Variants in PLCG2 observed in about 807,000 individuals in gnomAD.
PLCG2 encodes the protein phospholipase C gamma 2, also known as 1-phosphatidylinositol 4,5-bisphosphate phosphodiesterase gamma-2.
In PLCG2, 69 loss-of-function variants were observed where a neutral mutation model predicts 175.6. That is an observed-to-expected ratio of 0.39 (90% CI 0.32 to 0.48). The LOEUF (loss-of-function observed/expected upper bound fraction) is 0.48. PLCG2 is among the 20% of genes least tolerant of loss of function. The probability of loss-of-function intolerance (pLI) is 0.91; values close to 1 mark genes in which losing one functional copy is unlikely to be tolerated. For missense variants in PLCG2, 1,798 were observed against 1,650.9 expected, an observed-to-expected ratio of 1.09 and a Z score of -1.54; for synonymous variants, 827 against 624.0, an observed-to-expected ratio of 1.33 and a Z score of -4.85.
intron 2 of PLCG2, among the ~76,000 whole-genome samples, chr16:81,802,512 C>G (rs1023007748): frequency 5.9e-5 from 9 of 152,190 alleles, no homozygotes; most frequent in Admixed American, 2.0e-4. Context: ...TGTGTAACTG[C>G]TACCTTGACC....
intron 26 of PLCG2, among the ~76,000 whole-genome samples, chr16:81,934,940 A>G (rs573740391): frequency 9.9e-5 from 15 of 152,218 alleles, no homozygotes; most frequent in Non-Finnish European, 1.9e-4. Context: ...CACCCCCATG[A>G]TTCAATTATC....
At chr16:81,757,514 A>C (rs909792807) in intron 2 of PLCG2, among the ~76,000 whole-genome samples, 3 of 152,242 alleles carry the variant, frequency 2.0e-5, no homozygotes, top group African/African-American at 7.2e-5. Flanking sequence ...AGAAGAGCCG[A>C]GAAAGCGCCA....
chr16:81,859,255 G>A (rs767870412), intron 5 of PLCG2, 92 bp downstream of exon 5: 354 of 816,560 alleles, frequency 4.3e-4, no homozygotes, highest in Non-Finnish European at 6.7e-4. Flanking sequence ...ATGACTTGTC[G>A]GGAGCAAGGT....
intron 5 of PLCG2, among the ~76,000 whole-genome samples, chr16:81,864,790 C>G (rs1017740943): frequency 6.6e-6 from 1 of 152,166 alleles, no homozygotes; most frequent in African/African-American, 2.4e-5. Flanking sequence ...TTGGTGATGG[C>G]TGCCTGGGTG....
At chr16:81,755,982 C>G (rs1206996654) in intron 2 of PLCG2, 2 of 152,692 alleles carry the variant, frequency 1.3e-5, no homozygotes, top group Non-Finnish European at 2.9e-5. Context: ...CACATGGCCT[C>G]CAATCTGTCC....
intron 14 of PLCG2, among the ~76,000 whole-genome samples, chr16:81,904,458 G>T (rs1439323379): frequency 6.6e-6 from 1 of 152,230 alleles, no homozygotes; most frequent in Admixed American, 6.5e-5. Context: ...TCTTGCAGAT[G>T]AGAAGCCTGA....
At chr16:81,771,523 C>T (rs1162022035) in intron 2 of PLCG2, among the ~76,000 whole-genome samples, 1 of 152,182 alleles carries the variant, frequency 6.6e-6, no homozygotes, top group Non-Finnish European at 1.5e-5. Flanking sequence ...CTCCATGAGG[C>T]AGAGGATTAG....
chr16:81,896,531 T>G (rs991980181), intron 13 of PLCG2, among the ~76,000 whole-genome samples: 1 of 151,814 alleles, frequency 6.6e-6, no homozygotes, highest in South Asian at 2.1e-4. Context: ...TGAGGTCACA[T>G]TGCGCCACTG....
At chr16:81,940,367 C>T (rs986606372) in intron 30 of PLCG2, among the ~76,000 whole-genome samples, 1 of 152,118 alleles carries the variant, frequency 6.6e-6, no homozygotes, top group East Asian at 1.9e-4. Flanking sequence ...TTTGCTTCTC[C>T]CTAGCTAGGG....
At position 81,844,630 on chromosome 16, in the gene PLCG2, C is replaced by T. The variant is rs954434375; in HGVS notation, c.194-9814C>T. Among the ~76,000 whole-genome samples, 4 of 152,250 alleles carry T rather than the reference C, an allele frequency of 2.6e-5. No homozygotes were observed. The South Asian group carries it at 6.2e-4, about 24-fold the overall frequency. ...AGCCACTGTGCCTGGCCCACACCTT[C>T]ACTGTTTTCATTGGCACCTAGGTGC... On this transcript the variant is annotated intron_variant, in intron 2 of 32. Coordinates refer to ENST00000564138, the MANE Select transcript of PLCG2 (RefSeq NM_002661.5).
At chr16:81,868,289 C>G (rs1182987979) in intron 5 of PLCG2, among the ~76,000 whole-genome samples, 1 of 150,810 alleles carries the variant, frequency 6.6e-6, no homozygotes, top group Non-Finnish European at 1.5e-5. Flanking sequence ...TCATGTAGGC[C>G]TTGTTCCTTC....
intron 2 of PLCG2, among the ~76,000 whole-genome samples, chr16:81,796,052 A>G (rs1911455905): frequency 6.6e-6 from 1 of 152,356 alleles, no homozygotes; most frequent in Non-Finnish European, 1.5e-5. Context: ...GCTGATAAGC[A>G]GGTTGATGGT....
At position 81,952,283 on chromosome 16, in the gene PLCG2, G is replaced by A. The variant is rs561275979; in HGVS notation, c.3571-4412G>A. Among the ~76,000 whole-genome samples the A allele has an allele frequency of 1.0e-3, 159 of 151,990 alleles. 1 individual carries two copies. The highest frequency in any genetic ancestry group is 3.4e-3 in the Middle Eastern group (1 of 294). ...TATATTTATATATATATATTCACAC[G>A]TAGATGAATAAATGTGTGTGTTTAC... On this transcript the variant is annotated intron_variant, in intron 31 of 32. Transcript: ENST00000564138.
intron 22 of PLCG2, among the ~76,000 whole-genome samples, chr16:81,926,802 C>T (rs367870963): frequency 6.3e-4 from 96 of 152,318 alleles, no homozygotes; most frequent in African/African-American, 2.2e-3. Context: ...CTCTGACTTC[C>T]ACGTAAAGCA....
chr16:81,761,962 G>A (rs551015772), intron 2 of PLCG2, among the ~76,000 whole-genome samples: 1 of 151,350 alleles, frequency 6.6e-6, no homozygotes, highest in South Asian at 2.1e-4. Flanking sequence ...TTCCCAAGTA[G>A]TTGGGACTAC....
At chr16:81,829,468 T>G (rs1319336278) in intron 2 of PLCG2, among the ~76,000 whole-genome samples, 3 of 152,208 alleles carry the variant, frequency 2.0e-5, no homozygotes, top group Non-Finnish European at 2.9e-5. Context: ...TCCACCCTCC[T>G]TGGCCTCCCG....
chr16:81,836,047 G>A (rs55931921), intron 2 of PLCG2, among the ~76,000 whole-genome samples: 14,972 of 152,208 alleles, frequency 0.098, 750 homozygotes, highest in Middle Eastern at 0.15. Flanking sequence ...GGACTTCTAT[G>A]TATGTTTTTG....
intron 2 of PLCG2, among the ~76,000 whole-genome samples, chr16:81,789,704 G>A (rs1486721347): frequency 6.6e-6 from 1 of 152,132 alleles, no homozygotes; most frequent in East Asian, 1.9e-4. Context: ...ATTATAATAA[G>A]TCCCCCGGAT....
chr16:81,868,775 G>C (rs1451975299), intron 5 of PLCG2, among the ~76,000 whole-genome samples: 1 of 152,238 alleles, frequency 6.6e-6, no homozygotes. Flanking sequence ...TGCCCACACT[G>C]AATCTCCTGC....
Sources: gnomAD v4.1 joint callset for allele counts (sites outside exome capture counted in the v4.1 genomes callset) on GRCh38, gnomAD v4.1.1 for gene constraint, MANE v1.5 for transcripts, NCBI Gene and HGNC (gene_info 2026-07-23, HGNC 2026-07-21) for gene names.